The following BICD2 variants were observed in gnomAD, a reference collection of about 807,000 sequenced individuals.
BICD2 encodes the protein protein bicaudal D homolog 2.
Under a neutral mutation model 72.9 loss-of-function variants are expected in BICD2, and 25 were observed. The observed-to-expected ratio is 0.34, with a 90% CI of 0.25 to 0.48. The LOEUF (loss-of-function observed/expected upper bound fraction) is 0.48. Among genes scored for constraint, BICD2 ranks in the 20% least tolerant of loss-of-function variants. The probability of loss-of-function intolerance (pLI) is 0.99; values close to 1 mark genes in which losing one functional copy is unlikely to be tolerated. For synonymous variants in BICD2, 501 were observed against 516.1 expected (o/e 0.97, Z 0.40); for missense variants, 894 against 1,175.2 (o/e 0.76, Z 3.50).
rs199613227 is a variant in BICD2 at position 92,751,134 on chromosome 9, TTTG to T, written c.240+13368_240+13370del. Among the ~76,000 whole-genome samples the T allele has an allele frequency of 3.1e-4, 46 of 150,424 alleles. 1 individual carries two copies. Among genetic ancestry groups the T allele is most frequent in the South Asian group, 8.5e-4 (4 of 4,702 alleles). ...CCATGTTGGCCAGGGTGGTTGGTTT[TTTG>T]TTGTTGTTGTTGTTGTTGTTGTTGT... On this transcript the variant is annotated intron_variant, in intron 1 of 6. Coordinates refer to ENST00000356884, the MANE Select transcript of BICD2 (RefSeq NM_001003800.2).
intron 1 of BICD2, among the ~76,000 whole-genome samples, chr9:92,746,435 G>A (rs1157017066): frequency 6.6e-6 from 1 of 151,742 alleles, no homozygotes; most frequent in Non-Finnish European, 1.5e-5. Context: ...GGGAGGCTGA[G>A]GCAAGAAAAA....
intron 1 of BICD2, among the ~76,000 whole-genome samples, chr9:92,738,259 T>C (rs954710095): frequency 3.9e-5 from 6 of 152,200 alleles, no homozygotes; most frequent in African/African-American, 1.4e-4. Flanking sequence ...GTCAGGGTCA[T>C]CCACAATCAG....
At chr9:92,727,978 G>A (rs1025653581) in intron 2 of BICD2, among the ~76,000 whole-genome samples, 1 of 152,188 alleles carries the variant, frequency 6.6e-6, no homozygotes, top group African/African-American at 2.4e-5. Context: ...CACAGACACC[G>A]AGGCCCTGGC....
Position 92,748,960 on chromosome 9 carries a change from G to A in BICD2, c.240+15545C>T, listed in dbSNP as rs1260854585. Among the ~76,000 whole-genome samples the A allele has an allele frequency of 2.0e-5, 3 of 152,122 alleles. No individual in the cohort carries two copies. In the East Asian group the frequency reaches 5.8e-4, roughly 29 times the overall value. On this transcript the variant is annotated intron_variant, in intron 1 of 6. Coordinates refer to ENST00000356884, the MANE Select transcript of BICD2 (RefSeq NM_001003800.2). The stretch of plus-strand genomic sequence containing the variant: ...CCATTTTTCTTCTTTGCAGCAGGGT[G>A]GTTCCCAGAGGAGATGGTACAGGGA...
At chr9:92,752,775 G>A (rs1315596512) in intron 1 of BICD2, among the ~76,000 whole-genome samples, 5 of 152,080 alleles carry the variant, frequency 3.3e-5, no homozygotes, top group Non-Finnish European at 7.4e-5. Context: ...TAAATAAAAT[G>A]AACTTTCATG....
Position 92,720,242 on chromosome 9 carries a change from G to C in BICD2, c.1062+58C>G, listed in dbSNP as rs1587669969. 1 of 1,502,490 alleles carries C rather than the reference G, an allele frequency of 6.7e-7. No homozygotes were observed. The highest frequency in any genetic ancestry group is 1.4e-5 in the African/African-American group (1 of 72,326). The allele number at this position is 1,502,490 out of a possible 1,614,324, so 93.1% of individuals were successfully genotyped here. A position where few individuals can be genotyped will look rare whatever the true frequency, so the allele number is the denominator to read the frequency against. ...CAGAGTGTCAGGTAAGCACTGCTCG[G>C]GGAGCCCTGCAGACCTGGAGTGGGG... On this transcript the variant is annotated intron_variant, in intron 4 of 6. Transcript: ENST00000356884. This position sits in a 1 kb window ranked among gnomAD's most constrained non-coding sequence, Gnocchi z 5.4.
chr9:92,714,628 C>T lies in BICD2; in HGVS notation c.*526G>A. 1.0e-6 allele frequency: 1 copy of T among 985,954 alleles called. No individual in the cohort carries two copies. The highest frequency in any genetic ancestry group is 1.2e-6 in the Non-Finnish European group (1 of 830,310). The allele number at this position is 985,954 out of a possible 1,614,324, so 61.1% of individuals were successfully genotyped here. A position where few individuals can be genotyped will look rare whatever the true frequency, so the allele number is the denominator to read the frequency against. On this transcript the variant is annotated 3_prime_UTR_variant, in exon 7 of 7. Transcript: ENST00000356884. The stretch of plus-strand genomic sequence containing the variant: ...CCTGAATATGATTTGCAGTCAGATA[C>T]TGCATAAACTACAACGTACTCCTTT...
intron 1 of BICD2, among the ~76,000 whole-genome samples, chr9:92,735,676 G>C (rs542362852): frequency 6.6e-6 from 1 of 152,076 alleles, no homozygotes; most frequent in African/African-American, 2.4e-5. Context: ...CTGGGGGCCT[G>C]TGAAGCAAAC....
chr9:92,745,809 G>C (rs1386198960), intron 1 of BICD2, among the ~76,000 whole-genome samples: 2 of 152,216 alleles, frequency 1.3e-5, no homozygotes, highest in African/African-American at 4.8e-5. Context: ...AAGCAAGAAA[G>C]AGAGGCTGAT....
chr9:92,758,225 T>C (rs1481915846), intron 1 of BICD2, among the ~76,000 whole-genome samples: 1 of 147,602 alleles, frequency 6.8e-6, no homozygotes, highest in Non-Finnish European at 1.5e-5. Flanking sequence ...ATAATAATAA[T>C]AATAATATGA....
intron 1 of BICD2, among the ~76,000 whole-genome samples, chr9:92,757,561 G>A (rs1300645052): frequency 6.9e-6 from 1 of 145,334 alleles, no homozygotes; most frequent in Admixed American, 6.9e-5. Flanking sequence ...TGGGCATGGT[G>A]GCAGGCGCCT....
rs562747002 is a variant in BICD2, at chr9:92,715,153, C to G, written c.*1G>C. 1 of 1,578,432 alleles carries G rather than the reference C, an allele frequency of 6.3e-7. No homozygotes were observed. Among genetic ancestry groups the G allele is most frequent in the Non-Finnish European group, 8.6e-7 (1 of 1,157,740 alleles). On this transcript the variant is annotated 3_prime_UTR_variant, in exon 7 of 7. Transcript: ENST00000356884. ...CTGCAGCGTGCGGCGCCCCACAGCC[C>G]CTAATCACAGTAAATGCTGTGCTTC... is the stretch of plus-strand genomic sequence containing the variant.
chr9:92,729,199 G>C lies in BICD2; in HGVS notation c.278C>G (p.Ala93Gly). Reference protein sequence around the residue: ...GQAHTNHKKVAADGESREESL... With the variant: ...GQAHTNHKKVGADGESREESL... ...CTCCTCCCGGCTCTCTCCGTCAGCA[G>C]CCACCTTCTTGTGGTTTGTGTGTGC... The change falls in exon 2 of 7, where the codon GCT (alanine) becomes GGT (glycine). Residue 93 changes from alanine to glycine, a missense_variant. This residue lies in a region of BICD2 where 192 missense variants were observed against 243.6 expected (regional missense o/e 0.79). Coordinates refer to ENST00000356884, the MANE Select transcript of BICD2 (RefSeq NM_001003800.2). The C allele has an allele frequency of 6.2e-7, 1 of 1,614,218 alleles. No individual in the cohort carries two copies. The highest frequency in any genetic ancestry group is 8.5e-7 in the Non-Finnish European group (1 of 1,180,048).
rs147933592 is a variant in BICD2, at chr9:92,730,162, G to A, written c.241-926C>T. Reference sequence around the variant, plus strand: ...TCCATGGGTAGAGGGCAGACGGGCCGCAGTGTGTCACCCCCAGCAGCCCGT... The same window carrying A: ...TCCATGGGTAGAGGGCAGACGGGCCACAGTGTGTCACCCCCAGCAGCCCGT... On this transcript the variant is annotated intron_variant, in intron 1 of 6. Coordinates refer to ENST00000356884, the MANE Select transcript of BICD2 (RefSeq NM_001003800.2). Among the ~76,000 whole-genome samples the A allele has an allele frequency of 7.5e-3, 1,136 of 152,262 alleles. 20 individuals are homozygous for A. Among genetic ancestry groups the A allele is most frequent in the African/African-American group, 0.026 (1,074 of 41,548 alleles).
At chr9:92,735,914 T>C (rs1853778809) in intron 1 of BICD2, among the ~76,000 whole-genome samples, 1 of 152,174 alleles carries the variant, frequency 6.6e-6, no homozygotes. Context: ...CCCTCTTCAT[T>C]CACCGTAAGG....
intron 1 of BICD2, among the ~76,000 whole-genome samples, chr9:92,753,682 G>A (rs1854195356): frequency 6.6e-6 from 1 of 151,718 alleles, no homozygotes. Context: ...GGGACTACAG[G>A]CACCCGCCAC....
intron 1 of BICD2, among the ~76,000 whole-genome samples, chr9:92,749,993 G>A (rs1854115010): frequency 6.6e-6 from 1 of 152,266 alleles, no homozygotes; most frequent in Non-Finnish European, 1.5e-5. Context: ...CATGGCTGCA[G>A]CCCGGGTTTT....
At chr9:92,746,473 A>G (rs1353779881) in intron 1 of BICD2, among the ~76,000 whole-genome samples, 1 of 151,472 alleles carries the variant, frequency 6.6e-6, no homozygotes, top group Admixed American at 6.6e-5. Flanking sequence ...CAGAGGTTGC[A>G]GTGAGCCAAG....
chr9:92,720,371 T>C lies in BICD2; in HGVS notation c.991A>G (p.Ser331Gly), dbSNP rs775155214. ...KKEGLAPPSP[S>G]LVSDLLSELN... ...TCACTGAGTAGGTCGGAGACGAGGC[T>C]GGGGGAGGGCGGTGCGAGGCCCTCC... The change falls in exon 4 of 7, where the codon AGC becomes GGC. Residue 331 changes from serine to glycine, a missense_variant. By Grantham distance (56) the Ser-to-Gly change is moderately conservative. Around this residue, in one of 5 missense-constraint regions of BICD2, gnomAD observed 371 missense variants for 439.1 expected, o/e 0.84. Coordinates refer to ENST00000356884, the MANE Select transcript of BICD2 (RefSeq NM_001003800.2). The surrounding 1 kb of genome is among the most constrained non-coding windows in gnomAD (Gnocchi z 5.4). 5 of 1,614,018 alleles carry C rather than the reference T, an allele frequency of 3.1e-6. No individual in the cohort carries two copies. The Admixed American group carries it at 6.7e-5, about 22-fold the overall frequency.
Sources: allele counts gnomAD v4.1 joint callset (sites outside exome capture counted in the v4.1 genomes callset), GRCh38; gene constraint gnomAD v4.1.1; regional missense constraint gnomAD v4.1.1; non-coding constraint Gnocchi (gnomAD v3.1); transcripts MANE v1.5; gene names NCBI Gene and HGNC (gene_info 2026-07-23, HGNC 2026-07-21).